NEBL: variants seen among roughly 807,000 people sequenced by gnomAD.
NEBL encodes the protein LIM and SH3 protein 2.
In NEBL, 122 loss-of-function variants were observed where a neutral mutation model predicts 140.2. That is an observed-to-expected ratio of 0.87 (90% confidence interval 0.75 to 1.01). The LOEUF (loss-of-function observed/expected upper bound fraction) is 1.01. NEBL is among the 50% of genes least tolerant of loss of function. The pLI, the probability that NEBL is intolerant of heterozygous loss-of-function variation, is 0.00. For missense variants in NEBL, 1,365 were observed against 1,231.3 expected, an observed-to-expected ratio of 1.11 and a Z score of -1.62; for synonymous variants, 436 against 398.9, an observed-to-expected ratio of 1.09 and a Z score of -1.11.
chr10:20,973,834 C>A (rs756373343), intron 3 of NEBL, among the ~76,000 whole-genome samples: 7 of 152,218 alleles, frequency 4.6e-5, no homozygotes, highest in Non-Finnish European at 7.3e-5. Flanking sequence ...TTAGAACTAT[C>A]AACAGCCATG....
intron 2 of NEBL, among the ~76,000 whole-genome samples, chr10:21,024,886 A>G (rs193078976): frequency 1.1e-3 from 165 of 152,320 alleles, no homozygotes; most frequent in Non-Finnish European, 1.4e-3. Flanking sequence ...TGGTCCTCAT[A>G]CGATTATAGA....
chr10:21,279,209 A>G (rs989833237), intron 1 of NEBL, among the ~76,000 whole-genome samples: 27 of 152,038 alleles, frequency 1.8e-4, no homozygotes, highest in African/African-American at 6.5e-4. Context: ...ATTCCAATAA[A>G]ACTTTATTTA....
At chr10:21,207,745 T>C (rs982802193) in intron 3 of NEBL, among the ~76,000 whole-genome samples, 2 of 152,136 alleles carry the variant, frequency 1.3e-5, no homozygotes, top group African/African-American at 4.8e-5. Flanking sequence ...GTCCTAGCAC[T>C]GGAAAAGCAG....
At chr10:21,200,639 A>G (rs1002024433) in intron 3 of NEBL, among the ~76,000 whole-genome samples, 3 of 152,194 alleles carry the variant, frequency 2.0e-5, no homozygotes, top group Non-Finnish European at 4.4e-5. Flanking sequence ...GATGGCCACA[A>G]TTCCAGAGAT....
chr10:21,116,863 G>T (rs1564516883), intron 2 of NEBL, among the ~76,000 whole-genome samples: 1 of 151,844 alleles, frequency 6.6e-6, no homozygotes, highest in Non-Finnish European at 1.5e-5. Context: ...CAGAGATGGG[G>T]GTCTCACTGT....
chr10:20,869,079 C>T (rs578220992), intron 6 of NEBL, among the ~76,000 whole-genome samples: 1 of 152,248 alleles, frequency 6.6e-6, no homozygotes, highest in South Asian at 2.1e-4. Flanking sequence ...AGACCCTGTA[C>T]TCTCCATATA....
At chr10:21,030,871 T>C (rs1269137489) in intron 2 of NEBL, 2 of 298,492 alleles carry the variant, frequency 6.7e-6, no homozygotes, top group Non-Finnish European at 1.3e-5. Context: ...ACTTAACACC[T>C]GTACATCATG....
intron 2 of NEBL, among the ~76,000 whole-genome samples, chr10:21,103,927 A>G (rs1308144778): frequency 6.6e-6 from 1 of 152,114 alleles, no homozygotes; most frequent in African/African-American, 2.4e-5. Context: ...GAACTCTTAC[A>G]TTTAAGTTTA....
intron 2 of NEBL, among the ~76,000 whole-genome samples, chr10:21,061,534 A>T (rs886751379): frequency 3.4e-5 from 5 of 145,126 alleles, no homozygotes; most frequent in African/African-American, 9.8e-5. Context: ...CACATATTAC[A>T]TCATATATTT....
intron 4 of NEBL, among the ~76,000 whole-genome samples, chr10:20,924,412 G>GAAAAAAAAAA (rs1833764047): frequency 4.9e-5 from 1 of 20,526 alleles, no homozygotes; most frequent in African/African-American, 1.8e-4. Context: ...CAGGCATGAA[G>GAAAAAAAAAA]TAAAAAAAAA....
At chr10:21,107,234 TGA>T (rs1198691089) in intron 2 of NEBL, among the ~76,000 whole-genome samples, 1 of 152,226 alleles carries the variant, frequency 6.6e-6, no homozygotes, top group Non-Finnish European at 1.5e-5. Context: ...ATATGAGTGG[TGA>T]GAGAGGGCAT....
At chr10:21,066,094 T>C (rs1835526708) in intron 2 of NEBL, among the ~76,000 whole-genome samples, 1 of 152,168 alleles carries the variant, frequency 6.6e-6, no homozygotes, top group African/African-American at 2.4e-5. Context: ...TGGATGGAAA[T>C]GGAAGAGAGA....
chr10:20,840,536 G>A (rs1841315754), intron 13 of NEBL, among the ~76,000 whole-genome samples: 1 of 151,974 alleles, frequency 6.6e-6, no homozygotes, highest in Non-Finnish European at 1.5e-5. Context: ...TCTCCAAAGT[G>A]GGGAAACGGC....
At chr10:20,823,108 A>G in intron 19 of NEBL, 100 bp downstream of exon 19, 1 of 846,124 alleles carries the variant, frequency 1.2e-6, no homozygotes, top group Non-Finnish European at 1.9e-6. Flanking sequence ...TCTCGCAATG[A>G]GGTTCATTGT....
Position 21,095,490 on chromosome 10 carries a change from T to C in NEBL, c.165-75289A>G, listed in dbSNP as rs115434655. 3.7e-3 allele frequency among the ~76,000 whole-genome samples: 565 copies of C among 152,362 alleles called. 4 individuals are homozygous for C. The highest frequency in any genetic ancestry group is 0.013 in the African/African-American group (521 of 41,594). The stretch of plus-strand genomic sequence containing the variant: ...AGGGTGTTAAACGGTGCTATTAGCA[T>C]AACTGTACCTTTTAAAACCAAATCA... On this transcript the variant is annotated intron_variant, in intron 2 of 6. Coordinates refer to the NEBL transcript ENST00000417816.
At chr10:21,220,421 G>T (rs568744684) in intron 3 of NEBL, among the ~76,000 whole-genome samples, 3 of 152,236 alleles carry the variant, frequency 2.0e-5, no homozygotes, top group South Asian at 2.1e-4. Flanking sequence ...ACAATAAATG[G>T]TGTTAAGGAA....
At chr10:20,850,214 C>A (rs1842370437) in intron 11 of NEBL, among the ~76,000 whole-genome samples, 181 bp downstream of exon 11, 1 of 152,112 alleles carries the variant, frequency 6.6e-6, no homozygotes, top group Non-Finnish European at 1.5e-5. Flanking sequence ...AGCTAAGGAC[C>A]AGATAAACTC....
Position 20,787,326 on chromosome 10 carries a change from A to T in NEBL, c.2762-18T>A. On this transcript the variant is annotated intron_variant, in intron 26 of 27. Coordinates refer to ENST00000377122, the MANE Select transcript of NEBL (RefSeq NM_006393.3). ...AACAGGTGCTGCATGTTAAACATAC[A>T]CACACACAAAGATTCCTTAAAGTTA... The T allele has an allele frequency of 6.3e-7, 1 of 1,581,074 alleles. No homozygotes were observed. Among genetic ancestry groups the T allele is most frequent in the Non-Finnish European group, 8.7e-7 (1 of 1,152,056 alleles).
chr10:20,853,103 A>G (rs1842709392), intron 9 of NEBL, among the ~76,000 whole-genome samples: 1 of 152,246 alleles, frequency 6.6e-6, no homozygotes, highest in South Asian at 2.1e-4. Flanking sequence ...GGAATAAAAA[A>G]GTCCTATACA....
Sources: gnomAD v4.1 joint callset for allele counts (sites outside exome capture counted in the v4.1 genomes callset) on GRCh38, gnomAD v4.1.1 for gene constraint, MANE v1.5 for transcripts, NCBI Gene and HGNC (gene_info 2026-07-23, HGNC 2026-07-21) for gene names.